MAF: variants seen among roughly 807,000 people sequenced by gnomAD.
MAF encodes the protein transcription factor Maf.
MAF carries 10 observed loss-of-function variants against 22.0 expected under a neutral mutation model. That is an observed-to-expected ratio of 0.45 (90% CI 0.28 to 0.77). The LOEUF is 0.77. Ranked by LOEUF, MAF falls within the 30% of genes least tolerant of loss-of-function variation. MAF has a pLI of 0.12. For missense variants in MAF, 544 were observed against 548.4 expected (o/e 0.99, Z 0.08); for synonymous variants, 337 against 255.8 (o/e 1.32, Z -3.03).
chr16:79,598,666 G>T (rs1230436133), intron 1 of MAF, 119 bp downstream of exon 1: 9 of 1,543,938 alleles, frequency 5.8e-6, no homozygotes, highest in African/African-American at 1.4e-5. Flanking sequence ...AAACTCGGTG[G>T]GGGTGGGGGT....
chr16:79,293,433 A>G, the MAF span, among the ~76,000 whole-genome samples: 3 of 152,368 alleles, frequency 2.0e-5, no homozygotes, highest in Admixed American at 6.5e-5. Flanking sequence ...AAAAATGCCT[A>G]TTATGTAATA....
the MAF span, among the ~76,000 whole-genome samples, chr16:79,441,030 T>G: frequency 2.0e-5 from 3 of 152,224 alleles, no homozygotes; most frequent in Admixed American, 6.5e-5. Flanking sequence ...AGGAGGTTAA[T>G]TAAAATCCGC....
the MAF span, among the ~76,000 whole-genome samples, chr16:79,214,507 G>A: frequency 9.9e-5 from 15 of 152,074 alleles, no homozygotes; most frequent in Non-Finnish European, 1.5e-4. Context: ...CCAGGTTCAC[G>A]CGATTCTCCT....
chr16:79,545,262 G>A, the MAF span, among the ~76,000 whole-genome samples: 4 of 152,108 alleles, frequency 2.6e-5, no homozygotes, highest in Admixed American at 6.5e-5. Flanking sequence ...TCAACTTCCC[G>A]CAAATCAAGC....
chr16:79,472,919 G>A, the MAF span, among the ~76,000 whole-genome samples: 1 of 152,034 alleles, frequency 6.6e-6, no homozygotes, highest in African/African-American at 2.4e-5. Context: ...GATTGAATGG[G>A]TGTGTACCGA....
downstream of MAF, among the ~76,000 whole-genome samples, chr16:79,582,291 G>A (rs1042377131): frequency 6.6e-6 from 1 of 152,196 alleles, no homozygotes; most frequent in African/African-American, 2.4e-5. Context: ...GCAGTAAATC[G>A]GAGATTTTGG....
the MAF span, among the ~76,000 whole-genome samples, chr16:79,354,224 T>C: frequency 1.3e-5 from 2 of 151,952 alleles, no homozygotes; most frequent in Admixed American, 1.3e-4. Context: ...AAGTCCTGGC[T>C]CAAGTGATTC....
the MAF span, among the ~76,000 whole-genome samples, chr16:79,325,294 G>A: frequency 1.8e-4 from 28 of 152,282 alleles, 1 homozygote; most frequent in East Asian, 4.6e-3. Context: ...AACTCTGAGC[G>A]ACAACCGTGC....
the MAF span, among the ~76,000 whole-genome samples, chr16:79,323,665 A>T: frequency 6.6e-6 from 1 of 152,162 alleles, no homozygotes; most frequent in Admixed American, 6.5e-5. Context: ...AGGTGAGCTG[A>T]GGGCTCTGAA....
chr16:79,384,482 G>C, the MAF span, among the ~76,000 whole-genome samples: 5 of 151,218 alleles, frequency 3.3e-5, no homozygotes, highest in African/African-American at 1.2e-4. Flanking sequence ...GAGCGGCCGG[G>C]CATGGTGGCT....
chr16:79,235,444 C>G, the MAF span, among the ~76,000 whole-genome samples: 1 of 151,964 alleles, frequency 6.6e-6, no homozygotes, highest in African/African-American at 2.4e-5. Flanking sequence ...CGCCTGTAGT[C>G]CCAGCTACAC....
downstream of MAF, among the ~76,000 whole-genome samples, chr16:79,590,106 A>T (rs1913102539): frequency 1.3e-5 from 2 of 152,292 alleles, no homozygotes; most frequent in Admixed American, 1.3e-4. Context: ...ACGCAGCTGC[A>T]GCCACCAGGC....
the MAF span, among the ~76,000 whole-genome samples, chr16:79,222,404 C>A: frequency 0.013 from 1,997 of 152,158 alleles, 53 homozygotes; most frequent in African/African-American, 0.046. Context: ...TAAAGACCAT[C>A]AACACTATGA....
At chr16:79,428,253 T>A in the MAF span, among the ~76,000 whole-genome samples, 6 of 151,990 alleles carry the variant, frequency 3.9e-5, no homozygotes, top group African/African-American at 1.5e-4. Flanking sequence ...GGGTTCCCAG[T>A]CTCCCCTCCA....
chr16:79,400,388 T>A, the MAF span, among the ~76,000 whole-genome samples: 1 of 152,194 alleles, frequency 6.6e-6, no homozygotes, highest in Admixed American at 6.5e-5. Flanking sequence ...TTCTTCTTCA[T>A]CCCATGGAAT....
At chr16:79,476,125 G>C in the MAF span, among the ~76,000 whole-genome samples, 3 of 152,220 alleles carry the variant, frequency 2.0e-5, no homozygotes, top group East Asian at 1.9e-4. Context: ...TCTCTTGCTG[G>C]CCTCAAAGAA....
At chr16:79,563,064 C>T in the MAF span, among the ~76,000 whole-genome samples, 1 of 152,174 alleles carries the variant, frequency 6.6e-6, no homozygotes, top group African/African-American at 2.4e-5. Context: ...TAGGCTTGCA[C>T]TAGGTGGTTA....
the MAF span, among the ~76,000 whole-genome samples, chr16:79,503,989 G>T: frequency 6.6e-6 from 1 of 151,976 alleles, no homozygotes; most frequent in Non-Finnish European, 1.5e-5. Context: ...CTGTTACATT[G>T]CAGGGGCTCA....
chr16:79,401,511 C>T, the MAF span, among the ~76,000 whole-genome samples: 1 of 152,090 alleles, frequency 6.6e-6, no homozygotes, highest in African/African-American at 2.4e-5. Context: ...TTTATTGGAG[C>T]AGGGAGAGCT....
Sources: gnomAD v4.1 joint callset for allele counts (sites outside exome capture counted in the v4.1 genomes callset) on GRCh38, gnomAD v4.1.1 for gene constraint, MANE v1.5 for transcripts, NCBI Gene and HGNC (gene_info 2026-07-23, HGNC 2026-07-21) for gene names.